Variants in MCMDC2 observed in about 807,000 individuals in gnomAD.
MCMDC2 encodes minichromosome maintenance domain-containing protein 2.
MCMDC2 carries 54 observed loss-of-function variants against 75.8 expected under a neutral mutation model. That is an observed-to-expected ratio of 0.71 (90% CI 0.57 to 0.89). MCMDC2 has a LOEUF of 0.89. Among genes scored for constraint, MCMDC2 ranks in the 40% least tolerant of loss-of-function variants. MCMDC2 has a pLI of 0.00. For missense variants in MCMDC2, 656 were observed against 780.4 expected, an observed-to-expected ratio of 0.84 and a Z score of 1.90; for synonymous variants, 249 against 274.6, an observed-to-expected ratio of 0.91 and a Z score of 0.92.
At chr8:66,923,939 C>G (rs370913011), downstream of MCMDC2, among the ~76,000 whole-genome samples, 2 of 152,090 alleles carry the variant, frequency 1.3e-5, no homozygotes, top group Non-Finnish European at 2.9e-5. Context: ...CCCCCTCCCC[C>G]ACAAAACCCA....
chr8:66,870,798 C>G lies in MCMDC2; in HGVS notation c.-122C>G, dbSNP rs1322855885. 6.6e-6 allele frequency: 1 copy of G among 152,188 alleles called. No homozygotes were observed. Among genetic ancestry groups the G allele is most frequent in the Non-Finnish European group, 1.5e-5 (1 of 68,040 alleles). The allele number at this position is 152,188 out of a possible 1,614,324, so 9.4% of individuals were successfully genotyped here. On this transcript the variant is annotated 5_prime_UTR_variant, in exon 1 of 15. Transcript: ENST00000422365. The stretch of plus-strand genomic sequence containing the variant: ...GACTCCGCTCCGCCTACGCTGCAGG[C>G]GGAGAGCAACCGCCAAGCTTGGTGG...
At chr8:66,915,479 A>ATATATATT (rs937288169) in intron 14 of MCMDC2, among the ~76,000 whole-genome samples, 2 of 143,676 alleles carry the variant, frequency 1.4e-5, no homozygotes, top group African/African-American at 5.3e-5. Flanking sequence ...ATATATTTAT[A>ATATATATT]TATATATTTA....
rs143334590 is a variant in MCMDC2 at position 66,919,368 on chromosome 8, A to C, written c.*199A>C. The C allele has an allele frequency of 1.0e-3, 385 of 366,926 alleles. 4 individuals are homozygous for C. The highest frequency in any genetic ancestry group is 7.6e-3 in the African/African-American group (364 of 47,838). The allele number at this position is 366,926 out of a possible 1,614,324, so 22.7% of individuals were successfully genotyped here. A position where few individuals can be genotyped will look rare whatever the true frequency, so the allele number is the denominator to read the frequency against. ...ATACTAATCCAAACCTCTAAAACCAACAGAATTTTAAAACTTAGAACAATG... is the reference window on the plus strand; with the variant it reads ...ATACTAATCCAAACCTCTAAAACCACCAGAATTTTAAAACTTAGAACAATG... On this transcript the variant is annotated 3_prime_UTR_variant, in exon 15 of 15. Coordinates refer to ENST00000422365, the MANE Select transcript of MCMDC2 (RefSeq NM_173518.5).
At chr8:66,883,356 T>A (rs1811683183) in intron 8 of MCMDC2, among the ~76,000 whole-genome samples, 1 of 152,182 alleles carries the variant, frequency 6.6e-6, no homozygotes, top group South Asian at 2.1e-4. Flanking sequence ...CTCACATAGA[T>A]CTTAAAAGGA....
chr8:66,908,612 T>A (rs936047851), intron 14 of MCMDC2, among the ~76,000 whole-genome samples: 2 of 152,120 alleles, frequency 1.3e-5, no homozygotes, highest in African/African-American at 4.8e-5. Context: ...GGTTGAGTTT[T>A]TTGTTTTGTT....
intron 10 of MCMDC2, among the ~76,000 whole-genome samples, chr8:66,892,209 A>T (rs910224044): frequency 7.2e-5 from 11 of 152,270 alleles, no homozygotes; most frequent in African/African-American, 2.6e-4. Flanking sequence ...TGACTCAGGA[A>T]ATCCTGAGGT....
chr8:66,897,156 C>T (rs1430273162), intron 12 of MCMDC2, among the ~76,000 whole-genome samples, 197 bp downstream of exon 12: 1 of 151,944 alleles, frequency 6.6e-6, no homozygotes. Flanking sequence ...CCTATAATCC[C>T]AGCACTTTGA....
chr8:66,924,879 G>A (rs1441118508), downstream of MCMDC2, among the ~76,000 whole-genome samples: 1 of 152,136 alleles, frequency 6.6e-6, no homozygotes, highest in Admixed American at 6.5e-5. Context: ...CTAGCTCTAC[G>A]AATGGGTCGA....
At chr8:66,926,171 T>C (rs1451176889), downstream of MCMDC2, 1 of 152,068 alleles carries the variant, frequency 6.6e-6, no homozygotes, top group Non-Finnish European at 1.5e-5. Context: ...AAAACATATA[T>C]ATAGCATTCA....
At chr8:66,898,072 TTATAA>T (rs1307885556) in intron 12 of MCMDC2, among the ~76,000 whole-genome samples, 1 of 152,070 alleles carries the variant, frequency 6.6e-6, no homozygotes, top group Non-Finnish European at 1.5e-5. Flanking sequence ...AGAATAATAT[TTATAA>T]TATAATAAGG....
At chr8:66,900,143 AT>A (rs1812584270) in intron 12 of MCMDC2, among the ~76,000 whole-genome samples, 1 of 151,202 alleles carries the variant, frequency 6.6e-6, no homozygotes, top group African/African-American at 2.4e-5. Flanking sequence ...TCAAAAATAA[AT>A]AAATAAAATA....
At chr8:66,885,262 G>A (rs1235014868) in intron 9 of MCMDC2, among the ~76,000 whole-genome samples, 1 of 151,790 alleles carries the variant, frequency 6.6e-6, no homozygotes, top group Non-Finnish European at 1.5e-5. Context: ...GAACCTGGGA[G>A]GTGGAGGTTG....
intron 14 of MCMDC2, among the ~76,000 whole-genome samples, chr8:66,907,590 G>A (rs1420475754): frequency 1.3e-5 from 2 of 152,310 alleles, no homozygotes; most frequent in South Asian, 2.1e-4. Context: ...TATATACCCA[G>A]TAATGGGATT....
intron 13 of MCMDC2, among the ~76,000 whole-genome samples, chr8:66,902,711 A>AAAAAAAAAAAATATATAT (rs1467425752): frequency 1.5e-5 from 1 of 67,916 alleles, no homozygotes; most frequent in African/African-American, 7.3e-5. Flanking sequence ...AAAAAAAAAA[A>AAAAAAAAAAAATATATAT]ATATATATAT....
intron 6 of MCMDC2, 42 bp downstream of exon 6, chr8:66,878,738 G>A (rs748603023): frequency 4.8e-6 from 7 of 1,465,632 alleles, no homozygotes; most frequent in African/African-American, 1.4e-5. Context: ...TTTTAAAATA[G>A]TGTCTGATAT....
intron 14 of MCMDC2, among the ~76,000 whole-genome samples, chr8:66,909,102 T>C (rs1813010547): frequency 6.6e-6 from 1 of 152,150 alleles, no homozygotes; most frequent in Non-Finnish European, 1.5e-5. Flanking sequence ...ACAAATCTGA[T>C]GGTTTTATAA....
rs1173523151 is a variant in MCMDC2, at chr8:66,920,542, CTTACATA to C, written c.*1379_*1385del. On this transcript the variant is annotated 3_prime_UTR_variant, in exon 15 of 15. Transcript: ENST00000422365. ...GGCGACTGTAGTTTTCAACAAAATACTTACATATTACAGTTCTATAATGTTAAGACGT... is the reference window on the plus strand; with the variant it reads ...GGCGACTGTAGTTTTCAACAAAATACTTACAGTTCTATAATGTTAAGACGT... 2 of 152,142 alleles carry C rather than the reference CTTACATA, an allele frequency of 1.3e-5. No individual in the cohort carries two copies. The highest frequency in any genetic ancestry group is 2.9e-5 in the Non-Finnish European group (2 of 68,032). The allele number at this position is 152,142 out of a possible 1,614,324, so 9.4% of individuals were successfully genotyped here.
In MCMDC2 at chr8:66,891,026, A is replaced by G. The variant is rs1197885589; in HGVS notation, c.1235A>G (p.Asp412Gly). Residue 412 changes from aspartate (D) to glycine (G), a missense_variant, in exon 10 of 15, where the codon GAC (aspartate) becomes GGC (glycine). Transcript: ENST00000422365. ...LAKGGICFIG[D>G]LASHKKDKLE... ...AAAGGTGGTATCTGCTTTATAGGAG[A>G]CTTGGCTTCACACAAAAAAGATAAA... 3 of 1,592,678 alleles carry G rather than the reference A, an allele frequency of 1.9e-6. No homozygotes were observed. Among genetic ancestry groups the G allele is most frequent in the Non-Finnish European group, 2.6e-6 (3 of 1,175,282 alleles).
At chr8:66,886,420 C>T (rs1371913615) in intron 9 of MCMDC2, among the ~76,000 whole-genome samples, 1 of 152,072 alleles carries the variant, frequency 6.6e-6, no homozygotes, top group Non-Finnish European at 1.5e-5. Context: ...CCGCCTTGGC[C>T]TCCCATAGTG....
Sources: gnomAD v4.1 joint callset for allele counts (sites outside exome capture counted in the v4.1 genomes callset) on GRCh38, gnomAD v4.1.1 for gene constraint, MANE v1.5 for transcripts, NCBI Gene and HGNC (gene_info 2026-07-23, HGNC 2026-07-21) for gene names.